The following DPP10 variants were observed in gnomAD, a reference collection of about 807,000 sequenced individuals.
The protein encoded by DPP10 is inactive dipeptidyl peptidase 10.
In DPP10, 33 loss-of-function variants were observed where a neutral mutation model predicts 120.9. The ratio of observed to expected loss-of-function variants is 0.27; its 90% CI spans 0.21 to 0.37. DPP10 has a LOEUF of 0.37. DPP10 is among the 10% of genes least tolerant of loss of function. The probability of loss-of-function intolerance (pLI) is 1.00; values close to 1 mark genes in which losing one functional copy is unlikely to be tolerated. For missense variants in DPP10, 816 were observed against 942.8 expected, an observed-to-expected ratio of 0.87 and a Z score of 1.76; for synonymous variants, 337 against 326.1, an observed-to-expected ratio of 1.03 and a Z score of -0.36.
At chr2:114,839,179 G>T (rs188350333) in intron 1 of DPP10, among the ~76,000 whole-genome samples, 1 of 152,140 alleles carries the variant, frequency 6.6e-6, no homozygotes, top group Non-Finnish European at 1.5e-5. Flanking sequence ...TGGATAATCT[G>T]TGTTGCCACA....
intron 1 of DPP10, among the ~76,000 whole-genome samples, chr2:114,709,162 G>A (rs1201780089): frequency 6.6e-6 from 1 of 152,184 alleles, no homozygotes; most frequent in African/African-American, 2.4e-5. Context: ...TGACCAAAGG[G>A]AGGCATTGGC....
At chr2:115,646,210 C>T (rs2087242605) in intron 5 of DPP10, among the ~76,000 whole-genome samples, 1 of 152,116 alleles carries the variant, frequency 6.6e-6, no homozygotes, top group Non-Finnish European at 1.5e-5. Flanking sequence ...CATATTACTG[C>T]ACTGGCCCTG....
intron 1 of DPP10, among the ~76,000 whole-genome samples, chr2:115,300,005 C>T (rs755156167): frequency 6.6e-6 from 1 of 152,004 alleles, no homozygotes; most frequent in Non-Finnish European, 1.5e-5. Flanking sequence ...TCTCTAATAA[C>T]ATTTTGTGGT....
chr2:115,381,731 G>T lies in DPP10; in HGVS notation c.271+37819G>T, dbSNP rs1488464976. On this transcript the variant is annotated intron_variant, in intron 3 of 25. Coordinates refer to ENST00000410059, the MANE Select transcript of DPP10 (RefSeq NM_020868.6). Reference sequence around the variant, plus strand: ...GATGGTGATCTACAGGTGGGTTTTTGGTGTGGATGTCCTTTCTGTTTGTTA... The same window carrying T: ...GATGGTGATCTACAGGTGGGTTTTTTGTGTGGATGTCCTTTCTGTTTGTTA... Among the ~76,000 whole-genome samples, 3 of 152,126 alleles carry T rather than the reference G, an allele frequency of 2.0e-5. 1 individual carries two copies. Among genetic ancestry groups the T allele is most frequent in the Admixed American group, 1.3e-4 (2 of 15,270 alleles).
chr2:115,498,001 T>C (rs994212411), intron 3 of DPP10, among the ~76,000 whole-genome samples: 1 of 151,702 alleles, frequency 6.6e-6, no homozygotes, highest in African/African-American at 2.4e-5. Context: ...GTTCAGAAGG[T>C]GATACAGGCC....
intron 5 of DPP10, among the ~76,000 whole-genome samples, chr2:115,563,377 A>C (rs1441833702): frequency 6.6e-6 from 1 of 152,182 alleles, no homozygotes; most frequent in Non-Finnish European, 1.5e-5. Context: ...TCTCTTAAGG[A>C]AATGATATTT....
At chr2:114,922,191 T>A (rs1343832178) in intron 1 of DPP10, among the ~76,000 whole-genome samples, 1 of 152,232 alleles carries the variant, frequency 6.6e-6, no homozygotes, top group Non-Finnish European at 1.5e-5. Context: ...CAGTGATCAT[T>A]ACTATCTAAT....
chr2:115,038,158 A>G (rs1704357182), intron 1 of DPP10, among the ~76,000 whole-genome samples: 1 of 152,212 alleles, frequency 6.6e-6, no homozygotes, highest in African/African-American at 2.4e-5. Flanking sequence ...TGAACAATGA[A>G]TATGAATTGA....
chr2:115,605,765 A>G (rs2149234178), intron 5 of DPP10, among the ~76,000 whole-genome samples: 1 of 152,206 alleles, frequency 6.6e-6, no homozygotes, highest in Non-Finnish European at 1.5e-5. Context: ...TTTTAAGCTC[A>G]AAATCAAACA....
chr2:114,745,537 A>G (rs1218447447), intron 1 of DPP10, among the ~76,000 whole-genome samples: 4 of 152,222 alleles, frequency 2.6e-5, no homozygotes, highest in Non-Finnish European at 5.9e-5. Context: ...ACATGGTATG[A>G]TGGCTGCCCT....
intron 1 of DPP10, among the ~76,000 whole-genome samples, chr2:114,924,782 A>G (rs1695478231): frequency 6.6e-6 from 1 of 152,168 alleles, no homozygotes; most frequent in Non-Finnish European, 1.5e-5. Flanking sequence ...AACACAGCAA[A>G]AAAAAGACAA....
intron 1 of DPP10, among the ~76,000 whole-genome samples, chr2:114,961,313 C>T (rs1698612040): frequency 6.6e-6 from 1 of 151,932 alleles, no homozygotes; most frequent in Non-Finnish European, 1.5e-5. Context: ...CTCGGCCTCT[C>T]AAAGTGCTGA....
intron 1 of DPP10, among the ~76,000 whole-genome samples, chr2:115,256,216 G>A (rs1056508963): frequency 1.3e-5 from 2 of 152,288 alleles, no homozygotes; most frequent in South Asian, 2.1e-4. Flanking sequence ...GCAAGGAGAA[G>A]TGCCAAGCAA....
intron 1 of DPP10, among the ~76,000 whole-genome samples, chr2:114,716,382 C>T (rs1182072902): frequency 6.6e-6 from 1 of 152,174 alleles, no homozygotes; most frequent in Non-Finnish European, 1.5e-5. Flanking sequence ...GTGTCAACCA[C>T]ATATTGGGTT....
At chr2:115,124,180 C>CG (rs1230523674) in intron 1 of DPP10, among the ~76,000 whole-genome samples, 1 of 152,094 alleles carries the variant, frequency 6.6e-6, no homozygotes, top group Non-Finnish European at 1.5e-5. Context: ...TAGACTCAAG[C>CG]GATCCTCCTG....
chr2:115,381,598 A>C lies in DPP10; in HGVS notation c.271+37686A>C. On this transcript the variant is annotated intron_variant, in intron 3 of 25. Transcript: ENST00000410059. ...CAGCTTTGTTCCATTGCTGGTGAGGAACTGCGTTCCTTTGGAGGAGGAGAG... is the reference window on the plus strand; with the variant it reads ...CAGCTTTGTTCCATTGCTGGTGAGGCACTGCGTTCCTTTGGAGGAGGAGAG... Among the ~76,000 whole-genome samples the C allele has an allele frequency of 1.3e-5, 2 of 152,152 alleles. 1 individual carries two copies. The highest frequency in any genetic ancestry group is 6.3e-3 in the Middle Eastern group (2 of 316).
intron 1 of DPP10, among the ~76,000 whole-genome samples, chr2:114,827,106 C>G (rs1226951258): frequency 6.6e-6 from 1 of 151,696 alleles, no homozygotes; most frequent in Non-Finnish European, 1.5e-5. Context: ...ATTCCTGTGA[C>G]CTGCTTGGGG....
chr2:114,483,781 A>C (rs1008408134), intron 1 of DPP10, among the ~76,000 whole-genome samples: 1 of 152,160 alleles, frequency 6.6e-6, no homozygotes, highest in Non-Finnish European at 1.5e-5. Flanking sequence ...CACATGCTGT[A>C]TATTAAATAA....
At chr2:115,563,998 AG>A (rs2080844698) in intron 5 of DPP10, among the ~76,000 whole-genome samples, 1 of 152,176 alleles carries the variant, frequency 6.6e-6, no homozygotes, top group South Asian at 2.1e-4. Context: ...ATTTAAAAAT[AG>A]GTTTACATTC....
Sources: gnomAD v4.1 joint callset for allele counts (sites outside exome capture counted in the v4.1 genomes callset) on GRCh38, gnomAD v4.1.1 for gene constraint, MANE v1.5 for transcripts, NCBI Gene and HGNC (gene_info 2026-07-23, HGNC 2026-07-21) for gene names.